STPG2: variants seen among roughly 807,000 people sequenced by gnomAD.
STPG2 encodes the protein sperm tail PG-rich repeat containing 2, also known as sperm-tail PG-rich repeat-containing protein 2.
A neutral mutation model predicts 54.2 loss-of-function variants in STPG2; 56 were observed. The ratio of observed to expected loss-of-function variants is 1.03; its 90% CI spans 0.83 to 1.29. STPG2 has a LOEUF of 1.29. Ranked by LOEUF, STPG2 falls within the 50% of genes most tolerant of loss-of-function variation. The probability of loss-of-function intolerance (pLI) is 0.00; values close to 1 mark genes in which losing one functional copy is unlikely to be tolerated. For synonymous variants in STPG2, 200 were observed against 181.8 expected (o/e 1.10, Z -0.81); for missense variants, 596 against 544.9 (o/e 1.09, Z -0.93).
chr4:98,015,420 A>G (rs1354492900), intron 5 of STPG2, among the ~76,000 whole-genome samples: 1 of 152,222 alleles, frequency 6.6e-6, no homozygotes, highest in Admixed American at 6.5e-5. Flanking sequence ...CACTTCTCAA[A>G]AGAAGACATT....
At chr4:98,034,042 A>G (rs1308575371) in intron 5 of STPG2, among the ~76,000 whole-genome samples, 1 of 152,176 alleles carries the variant, frequency 6.6e-6, no homozygotes, top group African/African-American at 2.4e-5. Context: ...AAACCGGCAT[A>G]AGATAAAAAT....
intron 10 of STPG2, among the ~76,000 whole-genome samples, chr4:97,663,626 C>T (rs1578463121): frequency 6.6e-6 from 1 of 152,140 alleles, no homozygotes; most frequent in Admixed American, 6.6e-5. Context: ...ATATTTAACT[C>T]TAATATTGAA....
intron 8 of STPG2, among the ~76,000 whole-genome samples, chr4:97,848,700 T>C (rs951470554): frequency 6.6e-6 from 1 of 152,120 alleles, no homozygotes; most frequent in South Asian, 2.1e-4. Context: ...AGGGATCCAG[T>C]TTCAGCTTTC....
chr4:97,990,931 A>G (rs1007093742), intron 5 of STPG2, among the ~76,000 whole-genome samples: 2 of 152,082 alleles, frequency 1.3e-5, no homozygotes, highest in African/African-American at 2.4e-5. Context: ...TTTTCTTCCA[A>G]TAGGTTTTTG....
At chr4:97,799,563 G>A (rs1315439708) in intron 9 of STPG2, among the ~76,000 whole-genome samples, 1 of 152,196 alleles carries the variant, frequency 6.6e-6, no homozygotes, top group Non-Finnish European at 1.5e-5. Context: ...CTGTTAGTCT[G>A]ATGGGCTTCC....
At chr4:97,781,636 G>T (rs935249747) in intron 9 of STPG2, among the ~76,000 whole-genome samples, 4 of 151,962 alleles carry the variant, frequency 2.6e-5, no homozygotes, top group African/African-American at 9.7e-5. Context: ...CAAAAAAAGA[G>T]AATTTTAGAC....
At chr4:97,938,400 C>A (rs1458542004) in intron 8 of STPG2, among the ~76,000 whole-genome samples, 1 of 152,210 alleles carries the variant, frequency 6.6e-6, no homozygotes, top group Non-Finnish European at 1.5e-5. Flanking sequence ...GTGATAATGG[C>A]TATCCCTCCC....
At chr4:97,849,191 A>T (rs1027456535) in intron 8 of STPG2, among the ~76,000 whole-genome samples, 16 of 148,988 alleles carry the variant, frequency 1.1e-4, no homozygotes, top group African/African-American at 3.2e-4. Flanking sequence ...AGTGGTTTGT[A>T]GTTCTCCTTG....
chr4:97,991,430 AGTGT>A (rs150498433), intron 5 of STPG2, among the ~76,000 whole-genome samples: 102 of 141,482 alleles, frequency 7.2e-4, no homozygotes, highest in East Asian at 1.0e-3. Context: ...AATACTACTC[AGTGT>A]GTGTGTGTGT....
intron 5 of STPG2, among the ~76,000 whole-genome samples, chr4:98,023,600 T>C (rs1447290153): frequency 6.6e-6 from 1 of 152,174 alleles, no homozygotes; most frequent in Non-Finnish European, 1.5e-5. Context: ...GTTACTGCTG[T>C]CTTTTTGTTT....
chr4:97,896,270 C>G (rs1476760013), intron 8 of STPG2, among the ~76,000 whole-genome samples: 1 of 151,644 alleles, frequency 6.6e-6, no homozygotes, highest in East Asian at 1.9e-4. Flanking sequence ...ATAACTAACC[C>G]AAATGAAGAA....
intron 5 of STPG2, among the ~76,000 whole-genome samples, chr4:97,998,261 T>G (rs550920654): frequency 6.6e-6 from 1 of 152,154 alleles, no homozygotes; most frequent in Non-Finnish European, 1.5e-5. Flanking sequence ...GGCCTTAACA[T>G]GCATATGTTC....
chr4:97,700,557 A>G (rs1723739742), intron 10 of STPG2, among the ~76,000 whole-genome samples: 1 of 152,180 alleles, frequency 6.6e-6, no homozygotes, highest in Non-Finnish European at 1.5e-5. Flanking sequence ...AGTCAGATTT[A>G]TTTCCCATTT....
At chr4:98,130,830 G>C (rs1292394924) in intron 2 of STPG2, among the ~76,000 whole-genome samples, 1 of 147,440 alleles carries the variant, frequency 6.8e-6, no homozygotes, top group Non-Finnish European at 1.5e-5. Context: ...GCTGTGGCAG[G>C]AGAATGGCGT....
intron 5 of STPG2, among the ~76,000 whole-genome samples, chr4:98,097,090 G>C (rs189607360): frequency 6.4e-4 from 97 of 152,148 alleles, no homozygotes; most frequent in Non-Finnish European, 1.1e-3. Flanking sequence ...CCAAAAAATA[G>C]AAAAGAAGAG....
chr4:97,928,666 GT>G (rs1302781518), intron 8 of STPG2, among the ~76,000 whole-genome samples: 1 of 151,852 alleles, frequency 6.6e-6, no homozygotes, highest in Non-Finnish European at 1.5e-5. Flanking sequence ...GGTTAGTTTT[GT>G]TGCATGTACC....
At chr4:97,560,547 T>C (rs1279885012) in intron 10 of STPG2, among the ~76,000 whole-genome samples, 3 of 152,208 alleles carry the variant, frequency 2.0e-5, no homozygotes, top group African/African-American at 4.8e-5. Context: ...CATGTTCCTC[T>C]TTAACACTGG....
chr4:97,493,231 G>A (rs925902561), intron 4 of STPG2, among the ~76,000 whole-genome samples: 3 of 151,202 alleles, frequency 2.0e-5, no homozygotes, highest in African/African-American at 2.4e-5. Flanking sequence ...AGACCCTGAG[G>A]AAAAAGCAAA....
In STPG2 at chr4:98,109,224, C is replaced by T. The variant is rs1405620678; in HGVS notation, c.469G>A (p.Gly157Ser). 2.5e-6 allele frequency: 4 copies of T among 1,610,444 alleles called. No homozygotes were observed. Among genetic ancestry groups the T allele is most frequent in the Non-Finnish European group, 3.4e-6 (4 of 1,177,938 alleles). ...ATATCATACTGTCCTGGACCAGGAC[C>T]TGACTTTTTAGGTAACTCTTGTCTT... ...SGRQELPKKS[G>S]PGPGQYDIVQ... is the part of the protein sequence containing the mutation. The change falls in exon 4 of 11, where the codon GGT becomes AGT. Residue 157 changes from glycine (G) to serine (S), a missense_variant. Gly to Ser is a moderately conservative substitution (Grantham distance 56, BLOSUM62 0). Transcript: ENST00000295268.
Sources: allele counts gnomAD v4.1 joint callset (sites outside exome capture counted in the v4.1 genomes callset), GRCh38; gene constraint gnomAD v4.1.1; transcripts MANE v1.5; gene names NCBI Gene and HGNC (gene_info 2026-07-23, HGNC 2026-07-21).